Variants in NTNG1 observed in about 807,000 individuals in gnomAD.
NTNG1 encodes netrin G1.
Under a neutral mutation model 54.0 loss-of-function variants are expected in NTNG1, and 16 were observed. The ratio of observed to expected loss-of-function variants is 0.30; its 90% CI spans 0.20 to 0.45. The LOEUF (loss-of-function observed/expected upper bound fraction) is 0.45. NTNG1 is among the 20% of genes least tolerant of loss of function. The probability of loss-of-function intolerance (pLI) is 1.00; values close to 1 mark genes in which losing one functional copy is unlikely to be tolerated. For missense variants in NTNG1, 530 were observed against 678.7 expected (o/e 0.78, Z 2.43); for synonymous variants, 255 against 263.1 (o/e 0.97, Z 0.30).
chr1:107,418,912 T>G (rs908096181), intron 5 of NTNG1, among the ~76,000 whole-genome samples: 3 of 152,036 alleles, frequency 2.0e-5, no homozygotes, highest in African/African-American at 7.2e-5. Flanking sequence ...CCTAGACTTC[T>G]GTTACCACCA....
intron 2 of NTNG1, among the ~76,000 whole-genome samples, chr1:107,167,486 ATT>A (rs1655892166): frequency 1.3e-5 from 2 of 151,726 alleles, no homozygotes; most frequent in Non-Finnish European, 2.9e-5. Context: ...AATAATATGT[ATT>A]TTTATATTTG....
intron 7 of NTNG1, among the ~76,000 whole-genome samples, chr1:107,474,154 G>A (rs1277488591): frequency 1.3e-5 from 2 of 152,156 alleles, no homozygotes; most frequent in Non-Finnish European, 2.9e-5. Context: ...ATCCAGCACT[G>A]GATCAAGTGT....
intron 4 of NTNG1, among the ~76,000 whole-genome samples, chr1:107,407,365 T>G (rs567799609): frequency 6.6e-6 from 1 of 152,116 alleles, no homozygotes; most frequent in Non-Finnish European, 1.5e-5. Flanking sequence ...ATTAACCTTA[T>G]AGGGAAACAC....
At chr1:107,169,625 G>A (rs1656070353) in intron 2 of NTNG1, among the ~76,000 whole-genome samples, 1 of 152,102 alleles carries the variant, frequency 6.6e-6, no homozygotes, top group African/African-American at 2.4e-5. Flanking sequence ...AAATAAGTGA[G>A]TGGCTATCCA....
intron 3 of NTNG1, among the ~76,000 whole-genome samples, chr1:107,370,348 A>G (rs76646420): frequency 0.015 from 2,205 of 151,260 alleles, 40 homozygotes; most frequent in African/African-American, 0.05. Flanking sequence ...TTTTTTTTGA[A>G]AATTTTTTTC....
intron 2 of NTNG1, among the ~76,000 whole-genome samples, chr1:107,301,659 TC>T (rs1255925938): frequency 6.6e-6 from 1 of 152,182 alleles, no homozygotes; most frequent in Non-Finnish European, 1.5e-5. Context: ...TTTCCTCAAC[TC>T]CCATAATGGA....
intron 3 of NTNG1, chr1:107,328,863 G>A (rs1668110460): frequency 6.6e-6 from 1 of 152,154 alleles, no homozygotes; most frequent in Non-Finnish European, 1.5e-5. Flanking sequence ...TTTAAGATAT[G>A]CTATCAGCCA....
At chr1:107,419,109 G>T (rs1674411397) in intron 5 of NTNG1, among the ~76,000 whole-genome samples, 1 of 151,690 alleles carries the variant, frequency 6.6e-6, no homozygotes, top group Non-Finnish European at 1.5e-5. Flanking sequence ...ATATTGACTT[G>T]CAAAAATTTG....
intron 3 of NTNG1, among the ~76,000 whole-genome samples, chr1:107,379,793 A>C (rs967942719): frequency 2.6e-5 from 4 of 152,222 alleles, no homozygotes; most frequent in African/African-American, 9.6e-5. Flanking sequence ...ATTAAGATAC[A>C]TAAAAGTTAA....
chr1:107,191,980 T>C (rs1030787073), intron 2 of NTNG1, among the ~76,000 whole-genome samples: 1 of 152,178 alleles, frequency 6.6e-6, no homozygotes, highest in Non-Finnish European at 1.5e-5. Flanking sequence ...CATTGGTAGC[T>C]TGATGGGGAT....
chr1:107,355,514 A>T (rs1245334070), intron 3 of NTNG1, among the ~76,000 whole-genome samples: 1 of 152,138 alleles, frequency 6.6e-6, no homozygotes, highest in East Asian at 1.9e-4. Context: ...CTTAAGGAAC[A>T]TACCAATAGA....
At chr1:107,370,018 A>T (rs1020735476) in intron 3 of NTNG1, among the ~76,000 whole-genome samples, 1 of 152,154 alleles carries the variant, frequency 6.6e-6, no homozygotes, top group Non-Finnish European at 1.5e-5. Flanking sequence ...CATTTTTGTC[A>T]AAAATCAGTT....
chr1:107,197,746 A>T (rs1353729204), intron 2 of NTNG1, among the ~76,000 whole-genome samples: 1 of 151,880 alleles, frequency 6.6e-6, no homozygotes, highest in Admixed American at 6.6e-5. Context: ...ACAGAGTAGG[A>T]TCCATTTTTC....
At chr1:107,153,778 C>T (rs1450130471) in intron 2 of NTNG1, among the ~76,000 whole-genome samples, 1 of 152,192 alleles carries the variant, frequency 6.6e-6, no homozygotes, top group Non-Finnish European at 1.5e-5. Context: ...GACTCTATAG[C>T]ATCTCCAGGG....
intron 2 of NTNG1, among the ~76,000 whole-genome samples, chr1:107,259,507 T>G (rs1289401607): frequency 1.3e-5 from 2 of 152,260 alleles, no homozygotes; most frequent in East Asian, 3.8e-4. Context: ...AGTTTAACTC[T>G]GAACTTATTA....
intron 7 of NTNG1, among the ~76,000 whole-genome samples, chr1:107,439,309 C>T (rs990724507): frequency 2.3e-5 from 2 of 85,910 alleles, no homozygotes; most frequent in South Asian, 3.5e-4. Context: ...TGTGTGTGAG[C>T]ATGCACATGT....
chr1:107,229,108 T>G (rs1253176194), intron 2 of NTNG1, among the ~76,000 whole-genome samples: 1 of 151,990 alleles, frequency 6.6e-6, no homozygotes, highest in Non-Finnish European at 1.5e-5. Flanking sequence ...GTTGCTAGAC[T>G]GATTGGAACT....
intron 3 of NTNG1, among the ~76,000 whole-genome samples, chr1:107,361,374 C>CACATATAT (rs1285054598): frequency 1.9e-4 from 17 of 87,966 alleles, no homozygotes; most frequent in Non-Finnish European, 3.1e-4. Flanking sequence ...TATATATATA[C>CACATATAT]ATATATATAT....
At chr1:107,369,661 A>G (rs997909886) in intron 3 of NTNG1, among the ~76,000 whole-genome samples, 5 of 152,104 alleles carry the variant, frequency 3.3e-5, no homozygotes, top group Admixed American at 2.0e-4. Context: ...TGTCACATGT[A>G]TGCTTTGCAA....
Sources: gnomAD v4.1 joint callset for allele counts (sites outside exome capture counted in the v4.1 genomes callset) on GRCh38, gnomAD v4.1.1 for gene constraint, MANE v1.5 for transcripts, NCBI Gene and HGNC (gene_info 2026-07-23, HGNC 2026-07-21) for gene names.